Variants in PARP8 observed in about 807,000 individuals in gnomAD.
PARP8 encodes poly(ADP-ribose) polymerase family member 8, also known as protein mono-ADP-ribosyltransferase PARP8.
PARP8 carries 51 observed loss-of-function variants against 124.1 expected under a neutral mutation model. The ratio of observed to expected loss-of-function variants is 0.41; its 90% CI spans 0.33 to 0.52. PARP8 has a LOEUF of 0.52. Ranked by LOEUF, PARP8 falls within the 20% of genes least tolerant of loss-of-function variation. The pLI, the probability that PARP8 is intolerant of heterozygous loss-of-function variation, is 0.21. For synonymous variants in PARP8, 391 were observed against 361.5 expected, an observed-to-expected ratio of 1.08 and a Z score of -0.93; for missense variants, 860 against 1,018.9, an observed-to-expected ratio of 0.84 and a Z score of 2.12.
chr5:50,736,033 TC>T (rs1312673050), intron 2 of PARP8, among the ~76,000 whole-genome samples: 3 of 143,692 alleles, frequency 2.1e-5, no homozygotes, highest in African/African-American at 7.7e-5. Context: ...TCTAGTGGTG[TC>T]CCCCTGTAAA....
Position 50,821,353 on chromosome 5 carries a change from TG to T in PARP8, c.1794+17del. Reference sequence around the variant, plus strand: ...TCAACCCCAGGGTAAGTTGTTATCATGGCACACCAATCACAAAGTTTTCTTT... The same window carrying T: ...TCAACCCCAGGGTAAGTTGTTATCATGCACACCAATCACAAAGTTTTCTTT... On this transcript the variant is annotated intron_variant, in intron 16 of 25. Transcript: ENST00000281631. The T allele has an allele frequency of 1.9e-6, 3 of 1,613,586 alleles. No homozygotes were observed. The South Asian group carries it at 3.3e-5, about 18-fold the overall frequency.
At chr5:50,703,756 T>C (rs898587065) in intron 2 of PARP8, among the ~76,000 whole-genome samples, 1 of 152,046 alleles carries the variant, frequency 6.6e-6, no homozygotes, top group Admixed American at 6.5e-5. Flanking sequence ...ACAAAAAATT[T>C]AAAAGTTAGC....
intron 3 of PARP8, 23 bp from the exon 4 acceptor site, chr5:50,759,620 A>ATAT: frequency 2.7e-6 from 3 of 1,111,308 alleles, no homozygotes; most frequent in Admixed American, 3.3e-5. Flanking sequence ...GCCTTTCATT[A>ATAT]TCTTTTTTTT....
intron 2 of PARP8, among the ~76,000 whole-genome samples, chr5:50,749,631 G>C (rs1325218221): frequency 1.3e-5 from 2 of 151,914 alleles, no homozygotes; most frequent in South Asian, 4.1e-4. Context: ...GTGTGTGTGC[G>C]TGCATGATGA....
intron 9 of PARP8, among the ~76,000 whole-genome samples, chr5:50,781,389 A>G (rs1740653185): frequency 1.3e-5 from 2 of 152,200 alleles, no homozygotes; most frequent in Non-Finnish European, 2.9e-5. Flanking sequence ...GTTTTCTTCA[A>G]TATTATATAC....
At chr5:50,690,206 A>G (rs1579966889) in intron 2 of PARP8, among the ~76,000 whole-genome samples, 1 of 152,294 alleles carries the variant, frequency 6.6e-6, no homozygotes, top group East Asian at 1.9e-4. Context: ...TCTTTTCCTT[A>G]CAACTAGAAG....
At chr5:50,691,995 T>C (rs892416056) in intron 2 of PARP8, among the ~76,000 whole-genome samples, 2 of 152,186 alleles carry the variant, frequency 1.3e-5, no homozygotes, top group African/African-American at 4.8e-5. Flanking sequence ...TCCAACTTCC[T>C]CTACCTTAAT....
chr5:50,728,192 A>C (rs1278524075), intron 2 of PARP8, among the ~76,000 whole-genome samples: 1 of 152,162 alleles, frequency 6.6e-6, no homozygotes, highest in Non-Finnish European at 1.5e-5. Context: ...TATCAATTCT[A>C]ATGAATATTT....
Position 50,845,508 on chromosome 5 carries a change from T to G in PARP8, c.*3440T>G, listed in dbSNP as rs1202041638. On this transcript the variant is annotated 3_prime_UTR_variant, in exon 26 of 26. Coordinates refer to ENST00000281631, the MANE Select transcript of PARP8 (RefSeq NM_024615.4). ...CTCAAGACAAATGATAGACTGTTGGTAAGGTAAATTGGGTTTTCAATGTCA... is the reference window on the plus strand; with the variant it reads ...CTCAAGACAAATGATAGACTGTTGGGAAGGTAAATTGGGTTTTCAATGTCA... 6.6e-6 allele frequency: 1 copy of G among 151,700 alleles called. No individual in the cohort carries two copies. 9.4% of individuals were successfully genotyped at this position (151,700 alleles called of 1,614,324 possible).
At chr5:50,796,905 C>T in intron 12 of PARP8, 77 bp from the exon 13 acceptor site, 1 of 1,244,262 alleles carries the variant, frequency 8.0e-7, no homozygotes, top group South Asian at 1.5e-5. Flanking sequence ...TTCACTATTG[C>T]AAAGAGTAAA....
intron 2 of PARP8, among the ~76,000 whole-genome samples, chr5:50,692,869 T>C (rs1371161482): frequency 1.3e-5 from 2 of 152,130 alleles, no homozygotes; most frequent in Non-Finnish European, 2.9e-5. Flanking sequence ...TTATTGGTTT[T>C]CCTGCCTGTA....
intron 2 of PARP8, among the ~76,000 whole-genome samples, chr5:50,719,457 A>G (rs1270585001): frequency 6.6e-6 from 1 of 152,030 alleles, no homozygotes; most frequent in Non-Finnish European, 1.5e-5. Flanking sequence ...TCATAGTTTC[A>G]GGTCTTAGAT....
At chr5:50,839,369 A>G (rs1428679561) in intron 25 of PARP8, among the ~76,000 whole-genome samples, 3 of 152,142 alleles carry the variant, frequency 2.0e-5, no homozygotes, top group South Asian at 4.2e-4. Flanking sequence ...CTTTCCAGAC[A>G]TAAAAGAACT....
chr5:50,752,191 T>C (rs573301876), intron 3 of PARP8, among the ~76,000 whole-genome samples: 2 of 152,220 alleles, frequency 1.3e-5, no homozygotes, highest in African/African-American at 4.8e-5. Flanking sequence ...CATATCTACT[T>C]TTTCCTTTAA....
chr5:50,708,260 T>C (rs1477425547), intron 2 of PARP8, among the ~76,000 whole-genome samples: 2 of 152,128 alleles, frequency 1.3e-5, no homozygotes, highest in African/African-American at 4.8e-5. Flanking sequence ...TCCTTTTTTC[T>C]TGAGTCTGAA....
chr5:50,756,432 TA>T (rs1759964639), intron 3 of PARP8, among the ~76,000 whole-genome samples: 1 of 152,246 alleles, frequency 6.6e-6, no homozygotes, highest in East Asian at 1.9e-4. Context: ...AATTTTTTTT[TA>T]CAAATGTCAA....
chr5:50,740,052 G>T (rs1344356546), intron 2 of PARP8, among the ~76,000 whole-genome samples: 3 of 151,944 alleles, frequency 2.0e-5, no homozygotes, highest in Non-Finnish European at 4.4e-5. Flanking sequence ...CCCGGCCTGG[G>T]TTTATATATT....
intron 7 of PARP8, among the ~76,000 whole-genome samples, chr5:50,775,876 T>A (rs1739955476): frequency 6.6e-6 from 1 of 152,218 alleles, no homozygotes; most frequent in Non-Finnish European, 1.5e-5. Flanking sequence ...TTTAATTGGA[T>A]ATCCTTTATT....
chr5:50,841,189 A>AG (rs759754742), intron 25 of PARP8, among the ~76,000 whole-genome samples: 1 of 151,886 alleles, frequency 6.6e-6, no homozygotes, highest in Non-Finnish European at 1.5e-5. Context: ...ATTTTTATGA[A>AG]GTAAAATTAA....
Sources: allele counts gnomAD v4.1 joint callset (sites outside exome capture counted in the v4.1 genomes callset), GRCh38; gene constraint gnomAD v4.1.1; transcripts MANE v1.5; gene names NCBI Gene and HGNC (gene_info 2026-07-23, HGNC 2026-07-21).